The following CAP2 variants were observed in gnomAD, a reference collection of about 807,000 sequenced individuals.
CAP2 encodes cyclase associated actin cytoskeleton regulatory protein 2, also known as adenylyl cyclase-associated protein 2.
CAP2 carries 24 observed loss-of-function variants against 57.7 expected under a neutral mutation model. The observed-to-expected ratio is 0.42, with a 90% confidence interval of 0.30 to 0.58. The LOEUF (loss-of-function observed/expected upper bound fraction) is 0.58. Ranked by LOEUF, CAP2 falls within the 20% of genes least tolerant of loss-of-function variation. The probability of loss-of-function intolerance (pLI) is 0.22; values close to 1 mark genes in which losing one functional copy is unlikely to be tolerated. For synonymous variants in CAP2, 194 were observed against 207.2 expected (o/e 0.94, Z 0.55); for missense variants, 501 against 590.3 (o/e 0.85, Z 1.57).
At chr6:17,469,292 G>C (rs1760952902) in intron 4 of CAP2, among the ~76,000 whole-genome samples, 1 of 152,204 alleles carries the variant, frequency 6.6e-6, no homozygotes, top group Non-Finnish European at 1.5e-5. Flanking sequence ...AACTATAGCT[G>C]AGGGGCCATA....
intron 1 of CAP2, among the ~76,000 whole-genome samples, chr6:17,407,268 G>A (rs1456959641): frequency 6.6e-6 from 1 of 152,166 alleles, no homozygotes; most frequent in Non-Finnish European, 1.5e-5. Context: ...AGAACCTGTA[G>A]TTTTTTAGTG....
Position 17,426,604 on chromosome 6 carries a change from G to T in CAP2, c.136G>T (p.Val46Leu), listed in dbSNP as rs780812899. 5 of 1,613,426 alleles carry T rather than the reference G, an allele frequency of 3.1e-6. No homozygotes were observed. In the African/African-American group the frequency reaches 6.7e-5, roughly 22 times the overall value. Residue 46 changes from valine to leucine, a missense_variant, in exon 3 of 13, where the codon GTG becomes TTG. By Grantham distance (32) the Val-to-Leu change is conservative. Transcript: ENST00000229922. Reference protein sequence around the residue: ...NGVIAGVAPSVEAFDKLMDSM... With the variant: ...NGVIAGVAPSLEAFDKLMDSM... ...CTTTCCCCAAGGTGTGGCACCCTCC[G>T]TGGAAGCCTTTGACAAGCTGATGGA...
At chr6:17,485,406 G>A (rs1438738133) in intron 4 of CAP2, among the ~76,000 whole-genome samples, 1 of 152,212 alleles carries the variant, frequency 6.6e-6, no homozygotes, top group African/African-American at 2.4e-5. Context: ...TGGGGCACCA[G>A]CCTCTGGTTA....
chr6:17,423,241 G>A (rs1450339990), intron 2 of CAP2, among the ~76,000 whole-genome samples: 1 of 152,186 alleles, frequency 6.6e-6, no homozygotes, highest in Non-Finnish European at 1.5e-5. Flanking sequence ...AAATTACTGT[G>A]TGAGCACAAA....
chr6:17,506,072 T>A (rs1478424202), intron 4 of CAP2, among the ~76,000 whole-genome samples: 1 of 151,734 alleles, frequency 6.6e-6, no homozygotes, highest in Non-Finnish European at 1.5e-5. Flanking sequence ...TTTTTCACAT[T>A]TTTTTTTGTA....
In CAP2 at chr6:17,507,516, A is replaced by G. The variant is rs574901373; in HGVS notation, c.445-125A>G. ...AAAGTGTTTTTATCAACCTTTACAG[A>G]GCAACATGTGCCTCCCACTTTCAAG... On this transcript the variant is annotated intron_variant, in intron 5 of 12. Coordinates refer to ENST00000229922, the MANE Select transcript of CAP2 (RefSeq NM_006366.3). The G allele has an allele frequency of 6.0e-5, 48 of 796,992 alleles. No homozygotes were observed. The Admixed American group carries it at 9.0e-4, about 15-fold the overall frequency. 49.4% of individuals were successfully genotyped at this position (796,992 alleles called of 1,614,324 possible). A position where few individuals can be genotyped will look rare whatever the true frequency, so the allele number is the denominator to read the frequency against.
chr6:17,436,177 C>T (rs1023736334), intron 3 of CAP2, among the ~76,000 whole-genome samples: 3 of 151,494 alleles, frequency 2.0e-5, no homozygotes, highest in African/African-American at 7.3e-5. Flanking sequence ...CAGGCTGGAG[C>T]ACAGTCATGC....
At chr6:17,420,568 C>T (rs766960245) in intron 1 of CAP2, among the ~76,000 whole-genome samples, 7 of 152,064 alleles carry the variant, frequency 4.6e-5, no homozygotes, top group South Asian at 2.1e-4. Flanking sequence ...GTTTAGTCTC[C>T]CCTGGAGAAT....
At chr6:17,416,421 T>C (rs1018273527) in intron 1 of CAP2, among the ~76,000 whole-genome samples, 1 of 152,180 alleles carries the variant, frequency 6.6e-6, no homozygotes, top group Non-Finnish European at 1.5e-5. Context: ...CAACCCTGTG[T>C]ATAGTATACC....
At position 17,463,049 on chromosome 6, in the gene CAP2, C is replaced by T. The variant is rs1760767901; in HGVS notation, c.276C>T (p.Ala92=). ...CCCAGCGGGCTTTCCTTCTGATGGC[C>T]TCTCAGTACCAACAACCCCACGAGG... ...FQAQRAFLLM[A]SQYQQPHEND... is the part of the protein sequence containing the mutation. The change falls in exon 4 of 13, where the codon GCC becomes GCT. Residue 92 remains alanine (A), a synonymous_variant. Transcript: ENST00000229922. The T allele has an allele frequency of 2.5e-6, 4 of 1,613,686 alleles. No individual in the cohort carries two copies. The East Asian group carries it at 6.7e-5, about 27-fold the overall frequency.
At chr6:17,426,490 C>T in intron 2 of CAP2, 100 bp from the exon 3 acceptor site, 1 of 815,104 alleles carries the variant, frequency 1.2e-6, no homozygotes, top group Non-Finnish European at 2.2e-6. Context: ...CTGCCTCGGA[C>T]TCCCAAAGTG....
At chr6:17,412,135 T>A (rs1759155716) in intron 1 of CAP2, among the ~76,000 whole-genome samples, 2 of 152,016 alleles carry the variant, frequency 1.3e-5, no homozygotes, top group South Asian at 4.2e-4. Flanking sequence ...GGATTCGAGA[T>A]GTACTTAGCC....
intron 7 of CAP2, among the ~76,000 whole-genome samples, chr6:17,530,448 A>G (rs1171468366): frequency 6.6e-6 from 1 of 152,094 alleles, no homozygotes; most frequent in Non-Finnish European, 1.5e-5. Context: ...CTACCTAGAG[A>G]TCATTAATGG....
At chr6:17,443,069 T>A (rs1050131587) in intron 3 of CAP2, among the ~76,000 whole-genome samples, 37 of 152,232 alleles carry the variant, frequency 2.4e-4, no homozygotes, top group African/African-American at 8.4e-4. Flanking sequence ...AGCAACTTTC[T>A]TCCTAACATT....
In CAP2 at chr6:17,557,564, G is replaced by C. The variant is rs1763343404; in HGVS notation, c.*1122G>C. On this transcript the variant is annotated 3_prime_UTR_variant, in exon 13 of 13. Coordinates refer to ENST00000229922, the MANE Select transcript of CAP2 (RefSeq NM_006366.3). ...TTATAGTATAATGCTTGCAGGCCCA[G>C]TACAAGCATATATATTGTGCCTCTT... 1 of 152,098 alleles carries C rather than the reference G, an allele frequency of 6.6e-6. No homozygotes were observed. The highest frequency in any genetic ancestry group is 6.5e-5 in the Admixed American group (1 of 15,272). 9.4% of individuals were successfully genotyped at this position (152,098 alleles called of 1,614,324 possible).
intron 4 of CAP2, among the ~76,000 whole-genome samples, chr6:17,470,373 G>T (rs568000043): frequency 6.6e-6 from 1 of 152,298 alleles, no homozygotes; most frequent in African/African-American, 2.4e-5. Flanking sequence ...GCAGGCGAGG[G>T]TCATGTGACT....
chr6:17,454,195 C>G (rs944804141), intron 3 of CAP2, among the ~76,000 whole-genome samples: 8 of 151,960 alleles, frequency 5.3e-5, no homozygotes, highest in Admixed American at 4.6e-4. Flanking sequence ...CGGGCATGAG[C>G]CACTGCGTCC....
In CAP2 at chr6:17,513,086, A is replaced by G. The variant is rs1442891903; in HGVS notation, c.531-763A>G. ...AAAATTGCCGAAAGGAAATGCAACT[A>G]TTTTTACCTATCTATAAGTTTAATA... On this transcript the variant is annotated intron_variant, in intron 6 of 12. Transcript: ENST00000229922. The surrounding 1 kb of genome is among the most constrained non-coding windows in gnomAD (Gnocchi z 4.3). 6.6e-6 allele frequency among the ~76,000 whole-genome samples: 1 copy of G among 152,206 alleles called. No homozygotes were observed. Among genetic ancestry groups the G allele is most frequent in the African/African-American group, 2.4e-5 (1 of 41,456 alleles).
chr6:17,540,233 G>A (rs760432199), intron 8 of CAP2, among the ~76,000 whole-genome samples: 6 of 152,118 alleles, frequency 3.9e-5, no homozygotes, highest in Admixed American at 6.6e-5. Flanking sequence ...TGTGCCTTGT[G>A]AAACTCATTT....
Sources: allele counts gnomAD v4.1 joint callset (sites outside exome capture counted in the v4.1 genomes callset), GRCh38; gene constraint gnomAD v4.1.1; non-coding constraint Gnocchi (gnomAD v3.1); transcripts MANE v1.5; gene names NCBI Gene and HGNC (gene_info 2026-07-23, HGNC 2026-07-21).